Variants in NBEA observed in about 807,000 individuals in gnomAD.
The protein encoded by NBEA is neurobeachin, also known as lysosomal-trafficking regulator 2.
Under a neutral mutation model 343.4 loss-of-function variants are expected in NBEA, and 44 were observed. That is an observed-to-expected ratio of 0.13 (90% confidence interval 0.10 to 0.16). The LOEUF is 0.16. NBEA is among the 10% of genes least tolerant of loss of function. The probability of loss-of-function intolerance (pLI) is 1.00; values close to 1 mark genes in which losing one functional copy is unlikely to be tolerated. For missense variants in NBEA, 2,555 were observed against 3,631.3 expected (o/e 0.70, Z 7.62); for synonymous variants, 1,175 against 1,238.7 (o/e 0.95, Z 1.08).
At chr13:35,075,453 ATTATC>A (rs1317887310) in intron 10 of NBEA, among the ~76,000 whole-genome samples, 1 of 152,078 alleles carries the variant, frequency 6.6e-6, no homozygotes, top group Non-Finnish European at 1.5e-5. Flanking sequence ...ATTTAAATAA[ATTATC>A]TTAAGTATAT....
intron 1 of NBEA, among the ~76,000 whole-genome samples, chr13:34,958,043 A>G (rs1409986316): frequency 6.6e-5 from 10 of 152,024 alleles, no homozygotes; most frequent in African/African-American, 4.8e-5. Flanking sequence ...GTTAAAAAAT[A>G]TATCTTATTA....
intron 34 of NBEA, among the ~76,000 whole-genome samples, chr13:35,241,674 T>C (rs1334692246): frequency 6.6e-6 from 1 of 151,856 alleles, no homozygotes; most frequent in Non-Finnish European, 1.5e-5. Context: ...AAAATGAATG[T>C]ACAAAAATAC....
intron 36 of NBEA, among the ~76,000 whole-genome samples, chr13:35,336,880 G>A (rs2039294353): frequency 6.6e-6 from 1 of 152,086 alleles, no homozygotes; most frequent in African/African-American, 2.4e-5. Flanking sequence ...GTAGAAGGTG[G>A]GATAAAGGAG....
At chr13:35,224,115 G>A (rs546741714) in intron 33 of NBEA, among the ~76,000 whole-genome samples, 31 of 152,198 alleles carry the variant, frequency 2.0e-4, no homozygotes, top group African/African-American at 7.0e-4. Context: ...CCTCTTATAC[G>A]TATCTTTTCT....
intron 41 of NBEA, among the ~76,000 whole-genome samples, chr13:35,495,608 C>G (rs1381334210): frequency 1.3e-5 from 2 of 151,866 alleles, no homozygotes; most frequent in African/African-American, 4.8e-5. Context: ...GTCAAACCAT[C>G]ATAAGTCAGG....
chr13:35,470,899 C>T (rs1293299221), intron 40 of NBEA, among the ~76,000 whole-genome samples: 1 of 152,228 alleles, frequency 6.6e-6, no homozygotes, highest in Admixed American at 6.5e-5. Flanking sequence ...ATTGATGATC[C>T]TTTAAAGTGG....
chr13:35,157,215 A>G lies in NBEA; in HGVS notation c.2789A>G (p.Tyr930Cys). 7 of 1,608,898 alleles carry G rather than the reference A, an allele frequency of 4.4e-6. No homozygotes were observed. Among genetic ancestry groups the G allele is most frequent in the Non-Finnish European group, 5.9e-6 (7 of 1,177,340 alleles). Residue 930 changes from tyrosine to cysteine, a missense_variant, in exon 21 of 59, where the codon TAT (tyrosine) becomes TGT (cysteine). Tyr to Cys is a radical substitution (Grantham distance 194). Transcript: ENST00000379939. Reference sequence around the variant, plus strand: ...ATTCTTTTGTATCATGCAATAAAATATGAATGGGGAGGCTGGAGAGTCTGG... The same window carrying G: ...ATTCTTTTGTATCATGCAATAAAATGTGAATGGGGAGGCTGGAGAGTCTGG... ...FRILLYHAIK[Y>C]EWGGWRVWVD... is the part of the protein sequence containing the mutation.
chr13:35,411,022 A>G (rs764373438), intron 38 of NBEA, among the ~76,000 whole-genome samples: 2 of 152,178 alleles, frequency 1.3e-5, no homozygotes, highest in Non-Finnish European at 2.9e-5. Flanking sequence ...TGAGCATCCC[A>G]CAAAACTGTT....
chr13:35,476,093 A>G lies in NBEA; in HGVS notation c.6585+3557A>G. ...TTCCTGGCTTGGCATTTTTCGTTGTAGTATTTATTCAGATGGTAGACCAGC... is the reference window on the plus strand; with the variant it reads ...TTCCTGGCTTGGCATTTTTCGTTGTGGTATTTATTCAGATGGTAGACCAGC... On this transcript the variant is annotated intron_variant, in intron 41 of 58. Coordinates refer to ENST00000379939, the MANE Select transcript of NBEA (RefSeq NM_001385012.1). 2 of 1,614,160 alleles carry G rather than the reference A, an allele frequency of 1.2e-6. No individual in the cohort carries two copies. Among genetic ancestry groups the G allele is most frequent in the Non-Finnish European group, 1.7e-6 (2 of 1,180,030 alleles).
At chr13:35,131,560 T>C (rs1167218197) in intron 17 of NBEA, among the ~76,000 whole-genome samples, 1 of 152,188 alleles carries the variant, frequency 6.6e-6, no homozygotes, top group Non-Finnish European at 1.5e-5. Context: ...GTAACATATG[T>C]CTACTGAAAA....
intron 38 of NBEA, among the ~76,000 whole-genome samples, chr13:35,408,116 C>G (rs2043373579): frequency 6.6e-6 from 1 of 152,238 alleles, no homozygotes; most frequent in Middle Eastern, 3.4e-3. Flanking sequence ...AAATATACTA[C>G]AGGGCTACAG....
chr13:35,300,504 A>G (rs947385359), intron 35 of NBEA, among the ~76,000 whole-genome samples: 2 of 152,188 alleles, frequency 1.3e-5, no homozygotes, highest in Non-Finnish European at 2.9e-5. Flanking sequence ...TTCAGAGGCA[A>G]TGTTTCATGA....
At chr13:35,054,643 C>CCT (rs1555289255) in intron 6 of NBEA, among the ~76,000 whole-genome samples, 2 of 117,452 alleles carry the variant, frequency 1.7e-5, no homozygotes, top group African/African-American at 6.3e-5. Flanking sequence ...GTTTTCTTTT[C>CCT]TTTTTTTTTT....
chr13:35,616,175 C>A (rs1342872016), intron 48 of NBEA, among the ~76,000 whole-genome samples: 6 of 152,168 alleles, frequency 3.9e-5, no homozygotes, highest in Non-Finnish European at 8.8e-5. Flanking sequence ...TTCTAACTAA[C>A]CATGCTTGGT....
chr13:35,612,442 A>G (rs1566408243), intron 48 of NBEA, among the ~76,000 whole-genome samples: 1 of 152,050 alleles, frequency 6.6e-6, no homozygotes, highest in South Asian at 2.1e-4. Context: ...TACAATTTTA[A>G]TATATATTCC....
At chr13:35,308,486 G>GTATATATA (rs2037091144) in intron 35 of NBEA, among the ~76,000 whole-genome samples, 1 of 93,812 alleles carries the variant, frequency 1.1e-5, no homozygotes, top group Non-Finnish European at 2.1e-5. Flanking sequence ...ATATATATAT[G>GTATATATA]TGTATATATA....
chr13:35,162,665 G>A (rs749443454), intron 23 of NBEA, among the ~76,000 whole-genome samples: 5 of 150,478 alleles, frequency 3.3e-5, no homozygotes, highest in South Asian at 2.1e-4. Flanking sequence ...CTTATATCTC[G>A]TGAGCCAGCA....
chr13:35,390,369 G>C (rs2042444101), intron 38 of NBEA, among the ~76,000 whole-genome samples: 1 of 152,158 alleles, frequency 6.6e-6, no homozygotes, highest in Non-Finnish European at 1.5e-5. Flanking sequence ...TTTGGAACCA[G>C]ACACAAGACA....
chr13:35,247,213 C>T (rs1241863154), intron 34 of NBEA, among the ~76,000 whole-genome samples: 2 of 152,200 alleles, frequency 1.3e-5, no homozygotes, highest in Non-Finnish European at 2.9e-5. Context: ...CTACCGGCCT[C>T]CTGGCCCAGA....
Sources: gnomAD v4.1 joint callset for allele counts (sites outside exome capture counted in the v4.1 genomes callset) on GRCh38, gnomAD v4.1.1 for gene constraint, MANE v1.5 for transcripts, NCBI Gene and HGNC (gene_info 2026-07-23, HGNC 2026-07-21) for gene names.